VWC2: variants seen among roughly 807,000 people sequenced by gnomAD.
The protein encoded by VWC2 is brorin.
In VWC2, 14 loss-of-function variants were observed where a neutral mutation model predicts 29.8. The observed-to-expected ratio is 0.47, with a 90% CI of 0.31 to 0.74. The LOEUF (loss-of-function observed/expected upper bound fraction) is 0.74. Among genes scored for constraint, VWC2 ranks in the 30% least tolerant of loss-of-function variants. The pLI is 0.05. For synonymous variants in VWC2, 213 were observed against 199.0 expected (o/e 1.07, Z -0.59); for missense variants, 457 against 459.8 (o/e 0.99, Z 0.05).
chr7:49,866,430 G>A (rs7803337), intron 3 of VWC2, among the ~76,000 whole-genome samples: 5,023 of 152,276 alleles, frequency 0.033, 119 homozygotes, highest in Non-Finnish European at 0.051. Context: ...GTGGTCTCAG[G>A]CTTGCGAGTG....
chr7:49,791,196 T>C (rs1236043620), intron 2 of VWC2, among the ~76,000 whole-genome samples: 2 of 152,230 alleles, frequency 1.3e-5, no homozygotes, highest in South Asian at 4.1e-4. Context: ...AGGGACTTCG[T>C]GACTTGCCTC....
chr7:49,860,669 A>T (rs1306489647), intron 3 of VWC2, among the ~76,000 whole-genome samples: 1 of 152,176 alleles, frequency 6.6e-6, no homozygotes. Flanking sequence ...GGACTGAATT[A>T]TTTCCCCCAA....
chr7:49,879,212 A>T (rs943797866), intron 3 of VWC2, among the ~76,000 whole-genome samples: 24 of 152,160 alleles, frequency 1.6e-4, no homozygotes, highest in African/African-American at 5.8e-4. Flanking sequence ...TAAATTCCTA[A>T]TTTTGTCTTT....
chr7:49,833,588 A>T (rs947152863), intron 3 of VWC2, among the ~76,000 whole-genome samples: 2 of 152,222 alleles, frequency 1.3e-5, no homozygotes, highest in Non-Finnish European at 2.9e-5. Flanking sequence ...AAAATGAGGT[A>T]ATCAGTGGTC....
chr7:49,832,763 A>G (rs1325548194), intron 3 of VWC2, among the ~76,000 whole-genome samples: 1 of 152,194 alleles, frequency 6.6e-6, no homozygotes, highest in Non-Finnish European at 1.5e-5. Flanking sequence ...ACATTCAGGT[A>G]AAATTCTACA....
At chr7:49,821,868 G>C (rs1189343933) in intron 3 of VWC2, among the ~76,000 whole-genome samples, 2 of 152,148 alleles carry the variant, frequency 1.3e-5, no homozygotes, top group African/African-American at 4.8e-5. Flanking sequence ...AAGTCCCCTT[G>C]AATTTGATTG....
chr7:49,849,401 T>G (rs1420092794), intron 3 of VWC2, among the ~76,000 whole-genome samples: 1 of 152,192 alleles, frequency 6.6e-6, no homozygotes, highest in African/African-American at 2.4e-5. Context: ...CTGCCACTGC[T>G]CCTGAGGGCT....
At chr7:49,794,048 A>G (rs1392838141) in intron 2 of VWC2, among the ~76,000 whole-genome samples, 4 of 152,234 alleles carry the variant, frequency 2.6e-5, no homozygotes, top group South Asian at 2.1e-4. Flanking sequence ...AGCTGGCTGT[A>G]GAGTTTCTTT....
At chr7:49,806,493 C>A (rs956844965) in intron 3 of VWC2, among the ~76,000 whole-genome samples, 2 of 152,242 alleles carry the variant, frequency 1.3e-5, no homozygotes, top group East Asian at 1.9e-4. Context: ...TTATTATTTG[C>A]AGCTTTATTT....
At chr7:49,811,909 A>G (rs539720511) in intron 3 of VWC2, among the ~76,000 whole-genome samples, 1 of 152,334 alleles carries the variant, frequency 6.6e-6, no homozygotes, top group Admixed American at 6.5e-5. Context: ...TTAATGGCCA[A>G]AGAGTGGAAA....
chr7:49,878,618 T>C (rs568386431), intron 3 of VWC2, among the ~76,000 whole-genome samples: 2 of 152,296 alleles, frequency 1.3e-5, no homozygotes, highest in African/African-American at 4.8e-5. Context: ...TATAATGACA[T>C]TCCAAGTTGT....
At chr7:49,831,441 T>TATTTC (rs1284206128) in intron 3 of VWC2, among the ~76,000 whole-genome samples, 5 of 152,188 alleles carry the variant, frequency 3.3e-5, no homozygotes, top group African/African-American at 1.2e-4. Context: ...ATGTAGGGAC[T>TATTTC]TCAGGGGAGA....
rs780072790 is a variant in VWC2, at chr7:49,816,186, GA to G, written c.826+13348del. On this transcript the variant is annotated intron_variant, in intron 3 of 3. Coordinates refer to ENST00000340652, the MANE Select transcript of VWC2 (RefSeq NM_198570.5). ...TAAGAATGGATGCCGACTAGATTAG[GA>G]AGGACCTTGATACTTAATTAGGGAA... 9.2e-5 allele frequency among the ~76,000 whole-genome samples: 14 copies of G among 152,294 alleles called. No homozygotes were observed. The East Asian group carries it at 2.5e-3, about 27-fold the overall frequency.
chr7:49,779,318 C>T (rs369397990), intron 2 of VWC2, among the ~76,000 whole-genome samples: 16 of 152,192 alleles, frequency 1.1e-4, no homozygotes, highest in South Asian at 4.1e-4. Context: ...ATTAAAACTT[C>T]CTCTCTTTAC....
At chr7:49,859,824 A>T (rs1055770452) in intron 3 of VWC2, among the ~76,000 whole-genome samples, 4 of 146,408 alleles carry the variant, frequency 2.7e-5, no homozygotes, top group South Asian at 2.2e-4. Context: ...ACACACACAC[A>T]CTCACTCTGC....
intron 2 of VWC2, 45 bp downstream of exon 2, chr7:49,776,176 G>T (rs562110228): frequency 5.7e-5 from 82 of 1,447,638 alleles, no homozygotes; most frequent in Non-Finnish European, 6.8e-5. Flanking sequence ...CTTCCAGGAA[G>T]GGGTGGAACA....
At chr7:49,863,350 G>A (rs956078948) in intron 3 of VWC2, among the ~76,000 whole-genome samples, 3 of 151,614 alleles carry the variant, frequency 2.0e-5, no homozygotes, top group South Asian at 2.1e-4. Context: ...TTTTATCTTC[G>A]CCACTCCAGC....
At chr7:49,890,944 G>C (rs1792101548) in intron 3 of VWC2, among the ~76,000 whole-genome samples, 1 of 151,864 alleles carries the variant, frequency 6.6e-6, no homozygotes, top group South Asian at 2.1e-4. Context: ...TCCTTTAGAA[G>C]ACAACAAATG....
At chr7:49,909,979 T>G (rs569345256) in intron 3 of VWC2, among the ~76,000 whole-genome samples, 22 of 151,830 alleles carry the variant, frequency 1.4e-4, no homozygotes, top group African/African-American at 5.1e-4. Flanking sequence ...TGTGGTGGTG[T>G]GCTCCTCTGA....
Sources: gnomAD v4.1 joint callset for allele counts (sites outside exome capture counted in the v4.1 genomes callset) on GRCh38, gnomAD v4.1.1 for gene constraint, MANE v1.5 for transcripts, NCBI Gene and HGNC (gene_info 2026-07-23, HGNC 2026-07-21) for gene names.